The following PDE11A variants were observed in gnomAD, a reference collection of about 807,000 sequenced individuals.
PDE11A encodes dual 3',5'-cyclic-AMP and -GMP phosphodiesterase 11A.
In PDE11A, 100 loss-of-function variants were observed where a neutral mutation model predicts 100.5. The observed-to-expected ratio is 1.00, with a 90% CI of 0.85 to 1.18. The LOEUF (loss-of-function observed/expected upper bound fraction) is 1.18, where lower values mean the gene tolerates loss of function less well. Ranked by LOEUF, PDE11A falls within the 50% of genes most tolerant of loss-of-function variation. The pLI, the probability that PDE11A is intolerant of heterozygous loss-of-function variation, is 0.00. For synonymous variants in PDE11A, 381 were observed against 420.8 expected, an observed-to-expected ratio of 0.91 and a Z score of 1.16; for missense variants, 1,141 against 1,152.6, an observed-to-expected ratio of 0.99 and a Z score of 0.15.
At position 178,102,694 on chromosome 2, in the gene PDE11A, G is replaced by C. The variant is rs370350514; in HGVS notation, c.162+1608C>G. Among the ~76,000 whole-genome samples, 37 of 152,166 alleles carry C rather than the reference G, an allele frequency of 2.4e-4. No homozygotes were observed. The South Asian group carries it at 7.3e-3, about 30-fold the overall frequency. On this transcript the variant is annotated intron_variant, in intron 2 of 20. Coordinates refer to the PDE11A transcript ENST00000358450. ...CCACCTCAGCCTCCCAAAGTGTTGG[G>C]ATTACATGTGTGTGCCACCATGTTT...
At chr2:178,021,182 G>A (rs1369815474) in intron 1 of PDE11A, among the ~76,000 whole-genome samples, 31 of 152,054 alleles carry the variant, frequency 2.0e-4, no homozygotes, top group Admixed American at 2.0e-3. Flanking sequence ...GGCTGGTCTC[G>A]AACTCCTGAC....
At chr2:177,659,229 C>G (rs956887470) in intron 19 of PDE11A, among the ~76,000 whole-genome samples, 1 of 141,522 alleles carries the variant, frequency 7.1e-6, no homozygotes, top group Non-Finnish European at 1.5e-5. Context: ...CCATTGCACT[C>G]CAGCCTGGGC....
Position 177,811,948 on chromosome 2 carries a change from C to G in PDE11A, c.1737+4881G>C, listed in dbSNP as rs148114921. On this transcript the variant is annotated intron_variant, in intron 9 of 19. Coordinates refer to ENST00000286063, the MANE Select transcript of PDE11A (RefSeq NM_016953.4). ...CTGACTTTAAGCAGGTAGTAATTTT[C>G]CTGATAAAACAGGCGAAAAAATTAT... Among the ~76,000 whole-genome samples, 16 of 152,196 alleles carry G rather than the reference C, an allele frequency of 1.1e-4. No homozygotes were observed. The East Asian group carries it at 3.1e-3, about 29-fold the overall frequency.
At position 177,816,870 on chromosome 2, in the gene PDE11A, G is replaced by C. The variant is rs1212109720; in HGVS notation, c.1696C>G (p.Gln566Glu). ...LGINNTIMYD[Q>E]VKKSWAKQSV... is the part of the protein sequence containing the mutation. The stretch of plus-strand genomic sequence containing the variant: ...TGCTTGGCCCAGGACTTCTTCACTT[G>C]ATCATACATAATTGTGTTGTTGATG... Residue 566 changes from glutamine (Q) to glutamate (E), a missense_variant, in exon 9 of 20, where the codon CAA (glutamine) becomes GAA (glutamate). Physicochemically the swap from Gln to Glu is conservative, Grantham distance 29. Transcript: ENST00000286063. 5 of 1,610,564 alleles carry C rather than the reference G, an allele frequency of 3.1e-6. No individual in the cohort carries two copies. Among genetic ancestry groups the C allele is most frequent in the Non-Finnish European group, 4.2e-6 (5 of 1,177,018 alleles).
chr2:178,022,241 C>A (rs2086422008), intron 1 of PDE11A, among the ~76,000 whole-genome samples: 1 of 152,050 alleles, frequency 6.6e-6, no homozygotes, highest in African/African-American at 2.4e-5. Flanking sequence ...TGATTCTATG[C>A]TGATTAATTT....
chr2:177,648,674 T>C (rs1184576254), intron 19 of PDE11A, among the ~76,000 whole-genome samples: 3 of 151,992 alleles, frequency 2.0e-5, no homozygotes. Context: ...TAAAGTGATA[T>C]TAATTAAAAT....
chr2:177,819,079 G>A (rs1437330036), intron 7 of PDE11A, among the ~76,000 whole-genome samples: 1 of 151,908 alleles, frequency 6.6e-6, no homozygotes, highest in Non-Finnish European at 1.5e-5. Flanking sequence ...AGATTGCCAC[G>A]GAATATCAAC....
chr2:178,103,741 T>A (rs1387293809), intron 2 of PDE11A, among the ~76,000 whole-genome samples: 2 of 151,926 alleles, frequency 1.3e-5, no homozygotes, highest in Non-Finnish European at 2.9e-5. Flanking sequence ...TATCATATTA[T>A]AATTTCCATT....
At chr2:178,047,462 CAAAA>C (rs1252755818) in intron 1 of PDE11A, among the ~76,000 whole-genome samples, 1 of 104,988 alleles carries the variant, frequency 9.5e-6, no homozygotes, top group African/African-American at 3.6e-5. Context: ...GAGTCTGTCT[CAAAA>C]AAAAAAAAAA....
chr2:178,029,225 A>G (rs971662301), intron 1 of PDE11A, among the ~76,000 whole-genome samples: 1 of 152,204 alleles, frequency 6.6e-6, no homozygotes, highest in Non-Finnish European at 1.5e-5. Context: ...AAATTCACCA[A>G]AAGCTAAGTC....
intron 4 of PDE11A, among the ~76,000 whole-genome samples, chr2:177,897,711 A>G (rs1376646695): frequency 6.6e-6 from 1 of 152,162 alleles, no homozygotes; most frequent in East Asian, 1.9e-4. Flanking sequence ...CTTACCCTTC[A>G]TAGGTAAATA....
chr2:177,862,023 A>C (rs1039881345), intron 5 of PDE11A, among the ~76,000 whole-genome samples: 5 of 151,884 alleles, frequency 3.3e-5, no homozygotes, highest in Non-Finnish European at 7.4e-5. Flanking sequence ...CACTTCTTAG[A>C]TATAATACCA....
intron 2 of PDE11A, among the ~76,000 whole-genome samples, chr2:177,914,575 T>C (rs2084926304): frequency 6.6e-6 from 1 of 152,180 alleles, no homozygotes; most frequent in Non-Finnish European, 1.5e-5. Flanking sequence ...GATCCAAGCA[T>C]TCTTGAGTTT....
At chr2:177,701,066 A>G in intron 14 of PDE11A, 55 bp downstream of exon 14, 1 of 963,232 alleles carries the variant, frequency 1.0e-6, no homozygotes, top group South Asian at 1.3e-5. Context: ...GAGGGAGGAA[A>G]CAAAGAGTTG....
intron 19 of PDE11A, among the ~76,000 whole-genome samples, chr2:177,655,972 A>C (rs2080376987): frequency 6.6e-6 from 1 of 152,248 alleles, no homozygotes; most frequent in African/African-American, 2.4e-5. Context: ...TGGATAAAAG[A>C]AAATTTAATG....
At chr2:177,662,261 T>C (rs781225523) in intron 19 of PDE11A, among the ~76,000 whole-genome samples, 24 of 152,082 alleles carry the variant, frequency 1.6e-4, no homozygotes, top group Non-Finnish European at 8.8e-5. Flanking sequence ...AACCAACACA[T>C]AGGAAGAGTG....
chr2:177,647,248 G>A (rs1186609717), intron 19 of PDE11A, among the ~76,000 whole-genome samples: 1 of 152,094 alleles, frequency 6.6e-6, no homozygotes, highest in Admixed American at 6.5e-5. Flanking sequence ...AAAACTTTTA[G>A]TTTGTTGAGC....
At chr2:177,786,936 A>C (rs926988045) in intron 9 of PDE11A, among the ~76,000 whole-genome samples, 5 of 151,316 alleles carry the variant, frequency 3.3e-5, no homozygotes, top group African/African-American at 1.2e-4. Flanking sequence ...AGTGACGGGG[A>C]GAATGGAACC....
intron 5 of PDE11A, among the ~76,000 whole-genome samples, chr2:177,847,186 A>C (rs940994510): frequency 6.6e-6 from 1 of 152,164 alleles, no homozygotes; most frequent in African/African-American, 2.4e-5. Context: ...TCCAGTCCAC[A>C]GTTCTCTCCA....
Sources: allele counts gnomAD v4.1 joint callset (sites outside exome capture counted in the v4.1 genomes callset), GRCh38; gene constraint gnomAD v4.1.1; transcripts MANE v1.5; gene names NCBI Gene and HGNC (gene_info 2026-07-23, HGNC 2026-07-21).